DGKB: variants seen among roughly 807,000 people sequenced by gnomAD.
DGKB encodes the protein 90 kDa diacylglycerol kinase.
A neutral mutation model predicts 114.3 loss-of-function variants in DGKB; 67 were observed. The ratio of observed to expected loss-of-function variants is 0.59; its 90% CI spans 0.48 to 0.72. DGKB has a LOEUF of 0.72. DGKB is among the 30% of genes least tolerant of loss of function. The pLI is 0.00. For missense variants in DGKB, 907 were observed against 975.2 expected (o/e 0.93, Z 0.93); for synonymous variants, 398 against 323.1 (o/e 1.23, Z -2.49).
intron 13 of DGKB, among the ~76,000 whole-genome samples, chr7:14,630,841 C>T (rs575509709): frequency 3.3e-5 from 5 of 151,126 alleles, no homozygotes; most frequent in South Asian, 2.1e-4. Context: ...TGACATTAGT[C>T]TTCACAACTG....
rs1830810921 is a variant in DGKB, at chr7:14,447,008, TA to T, written c.1835+31152del. ...CAACTTAGGCACAGGCACAATAAAT[TA>T]ACTATGTTTCCTTAACTTGACCCAC... On this transcript the variant is annotated intron_variant, in intron 21 of 25. Coordinates refer to ENST00000402815, the MANE Select transcript of DGKB (RefSeq NM_001350709.2). Among the ~76,000 whole-genome samples, 3 of 152,224 alleles carry T rather than the reference TA, an allele frequency of 2.0e-5. No individual in the cohort carries two copies. The South Asian group carries it at 6.2e-4, about 32-fold the overall frequency.
chr7:14,836,441 G>A (rs921264427), intron 2 of DGKB, among the ~76,000 whole-genome samples: 2 of 152,100 alleles, frequency 1.3e-5, no homozygotes, highest in East Asian at 1.9e-4. Flanking sequence ...GTGACAATAC[G>A]TGGGCAGATA....
intron 20 of DGKB, among the ~76,000 whole-genome samples, chr7:14,539,690 T>G (rs1793101146): frequency 6.6e-6 from 1 of 152,148 alleles, no homozygotes; most frequent in African/African-American, 2.4e-5. Context: ...GAATGGCTAT[T>G]CAGTTCCTCA....
intron 1 of DGKB, among the ~76,000 whole-genome samples, chr7:14,894,812 A>C (rs1247572446): frequency 6.6e-6 from 1 of 151,610 alleles, no homozygotes; most frequent in Admixed American, 6.6e-5. Flanking sequence ...GTTTGGATAG[A>C]GTACATTCAA....
At chr7:14,606,233 C>A (rs1342304574) in intron 17 of DGKB, among the ~76,000 whole-genome samples, 2 of 152,030 alleles carry the variant, frequency 1.3e-5, no homozygotes, top group African/African-American at 4.8e-5. Flanking sequence ...CTGCATGTAG[C>A]TAGCTCACTT....
intron 20 of DGKB, among the ~76,000 whole-genome samples, chr7:14,489,951 G>A (rs1784376634): frequency 2.0e-5 from 3 of 152,218 alleles, no homozygotes; most frequent in East Asian, 3.9e-4. Context: ...ATAGTGTGGT[G>A]GAACCAGAAC....
At chr7:14,277,971 A>T (rs753780976) in intron 23 of DGKB, among the ~76,000 whole-genome samples, 14 of 152,202 alleles carry the variant, frequency 9.2e-5, no homozygotes, top group Non-Finnish European at 1.5e-4. Context: ...ATTTTAACAG[A>T]CATGAGGTAT....
At chr7:14,562,426 A>G (rs1195422657) in intron 20 of DGKB, among the ~76,000 whole-genome samples, 1 of 152,170 alleles carries the variant, frequency 6.6e-6, no homozygotes, top group Non-Finnish European at 1.5e-5. Context: ...ACACCCCAGA[A>G]TGGCAGATCC....
intron 8 of DGKB, among the ~76,000 whole-genome samples, chr7:14,695,454 T>C (rs1348354087): frequency 6.7e-6 from 1 of 149,614 alleles, no homozygotes; most frequent in African/African-American, 2.5e-5. Context: ...CCTACTACTA[T>C]TGTAATCAAC....
intron 21 of DGKB, among the ~76,000 whole-genome samples, chr7:14,370,425 T>A (rs1245270719): frequency 6.6e-6 from 1 of 152,214 alleles, no homozygotes; most frequent in Non-Finnish European, 1.5e-5. Flanking sequence ...TTTGGTTCCA[T>A]ATGAAATTTA....
intron 20 of DGKB, among the ~76,000 whole-genome samples, chr7:14,516,191 A>T (rs1283712433): frequency 1.3e-5 from 2 of 152,196 alleles, no homozygotes; most frequent in Admixed American, 1.3e-4. Context: ...AAGTAAACTA[A>T]ACAATGTATT....
chr7:14,367,904 T>C (rs985741400), intron 21 of DGKB, among the ~76,000 whole-genome samples: 1 of 152,010 alleles, frequency 6.6e-6, no homozygotes, highest in Non-Finnish European at 1.5e-5. Flanking sequence ...GCATGATCCA[T>C]TCACCGCCCA....
In DGKB at chr7:14,939,633, T is replaced by A. The variant is rs996985324; in HGVS notation, c.-188+35063A>T. 4.9e-4 allele frequency among the ~76,000 whole-genome samples: 68 copies of A among 138,098 alleles called. 1 individual carries two copies. Among genetic ancestry groups the A allele is most frequent in the African/African-American group, 1.8e-3 (64 of 34,706 alleles). The allele number at this position is 138,098 out of a possible 152,430, so 90.6% of individuals were successfully genotyped here. A position where few individuals can be genotyped will look rare whatever the true frequency, so the allele number is the denominator to read the frequency against. On this transcript the variant is annotated intron_variant, in intron 1 of 4. Transcript: ENST00000437998. Reference sequence around the variant, plus strand: ...TGAAAATATAATACTTTTTTTTTTTTTTTTTTTTTTTTTTGAGACGGAGTC... The same window carrying A: ...TGAAAATATAATACTTTTTTTTTTTATTTTTTTTTTTTTTGAGACGGAGTC...
intron 21 of DGKB, among the ~76,000 whole-genome samples, chr7:14,417,532 C>T (rs939399084): frequency 6.6e-6 from 1 of 151,920 alleles, no homozygotes; most frequent in East Asian, 1.9e-4. Flanking sequence ...AAAAATTATT[C>T]TTGAACCTCA....
intron 21 of DGKB, among the ~76,000 whole-genome samples, chr7:14,415,086 T>C (rs1437852898): frequency 6.6e-6 from 1 of 151,862 alleles, no homozygotes; most frequent in Non-Finnish European, 1.5e-5. Context: ...AAATACATTA[T>C]ATAAGCATAT....
At chr7:14,517,188 C>A (rs527760017) in intron 20 of DGKB, among the ~76,000 whole-genome samples, 1 of 152,090 alleles carries the variant, frequency 6.6e-6, no homozygotes, top group Non-Finnish European at 1.5e-5. Context: ...ACAAAGCTGA[C>A]AAAAACAAGC....
chr7:14,819,195 G>C (rs1237885974), intron 2 of DGKB, among the ~76,000 whole-genome samples: 2 of 152,046 alleles, frequency 1.3e-5, no homozygotes, highest in African/African-American at 4.8e-5. Context: ...GTATAACCCT[G>C]CTGGATAATT....
At chr7:14,751,965 A>G (rs569170356) in intron 4 of DGKB, among the ~76,000 whole-genome samples, 25 of 152,318 alleles carry the variant, frequency 1.6e-4, no homozygotes, top group African/African-American at 5.8e-4. Context: ...TTTTATGTGC[A>G]AGACACAGAG....
chr7:14,828,511 A>G (rs1306175997), intron 2 of DGKB, among the ~76,000 whole-genome samples: 1 of 152,124 alleles, frequency 6.6e-6, no homozygotes, highest in Non-Finnish European at 1.5e-5. Flanking sequence ...AACATGGGCA[A>G]GCTCATGAAT....
Sources: gnomAD v4.1 joint callset for allele counts (sites outside exome capture counted in the v4.1 genomes callset) on GRCh38, gnomAD v4.1.1 for gene constraint, MANE v1.5 for transcripts, NCBI Gene and HGNC (gene_info 2026-07-23, HGNC 2026-07-21) for gene names.